Variants in CDH8 observed in about 807,000 individuals in gnomAD.
CDH8 encodes cadherin-8.
A neutral mutation model predicts 68.1 loss-of-function variants in CDH8; 17 were observed. The ratio of observed to expected loss-of-function variants is 0.25; its 90% CI spans 0.17 to 0.37. CDH8 has a LOEUF of 0.37. Among genes scored for constraint, CDH8 ranks in the 10% least tolerant of loss-of-function variants. The probability of loss-of-function intolerance (pLI) is 1.00; values close to 1 mark genes in which losing one functional copy is unlikely to be tolerated. For synonymous variants in CDH8, 372 were observed against 365.1 expected (o/e 1.02, Z -0.21); for missense variants, 763 against 999.3 (o/e 0.76, Z 3.19).
chr16:61,767,273 G>T (rs974259847), intron 8 of CDH8, among the ~76,000 whole-genome samples: 8 of 151,942 alleles, frequency 5.3e-5, no homozygotes, highest in African/African-American at 1.9e-4. Context: ...GAATCAATCT[G>T]ATGTATATCC....
intron 8 of CDH8, among the ~76,000 whole-genome samples, chr16:61,740,433 C>G (rs909232833): frequency 7.9e-5 from 12 of 151,902 alleles, no homozygotes; most frequent in African/African-American, 2.9e-4. Flanking sequence ...GAATGAAAAG[C>G]ATATAAATGT....
At chr16:61,841,227 A>T (rs1171775324) in intron 4 of CDH8, among the ~76,000 whole-genome samples, 1 of 152,222 alleles carries the variant, frequency 6.6e-6, no homozygotes, top group African/African-American at 2.4e-5. Flanking sequence ...TATACCCAGC[A>T]GTAGGATAGC....
At chr16:61,668,530 A>G (rs1963725481) in intron 10 of CDH8, among the ~76,000 whole-genome samples, 2 of 152,072 alleles carry the variant, frequency 1.3e-5, no homozygotes, top group South Asian at 4.1e-4. Flanking sequence ...AAACTATTCC[A>G]ATAAACAATT....
chr16:61,793,168 G>C (rs1961418147), intron 7 of CDH8, among the ~76,000 whole-genome samples: 1 of 151,784 alleles, frequency 6.6e-6, no homozygotes, highest in South Asian at 2.1e-4. Context: ...CCCAGAAGAG[G>C]GCCCTTACCA....
chr16:61,834,335 G>T (rs1382352425), intron 4 of CDH8, among the ~76,000 whole-genome samples: 3 of 151,708 alleles, frequency 2.0e-5, no homozygotes, highest in African/African-American at 7.3e-5. Flanking sequence ...AAGGCTCAAG[G>T]GCTACTTCAT....
chr16:61,698,404 T>C (rs1248354344), intron 10 of CDH8, among the ~76,000 whole-genome samples: 1 of 152,194 alleles, frequency 6.6e-6, no homozygotes, highest in Non-Finnish European at 1.5e-5. Flanking sequence ...ACTTTCATCA[T>C]GTTGCCTCCG....
At chr16:61,746,168 A>C (rs575567510) in intron 8 of CDH8, among the ~76,000 whole-genome samples, 71 of 152,176 alleles carry the variant, frequency 4.7e-4, no homozygotes, top group Non-Finnish European at 7.9e-4. Flanking sequence ...AGATGTGGCC[A>C]ATTCATCAAG....
chr16:61,695,604 G>C (rs1964309906), intron 10 of CDH8, among the ~76,000 whole-genome samples: 1 of 152,102 alleles, frequency 6.6e-6, no homozygotes, highest in South Asian at 2.1e-4. Context: ...CCCTTTCCTA[G>C]ATGTGACAAT....
At chr16:61,713,808 T>C in intron 10 of CDH8, 33 bp downstream of exon 10, 4 of 1,110,190 alleles carry the variant, frequency 3.6e-6, no homozygotes, top group Non-Finnish European at 5.5e-6. Flanking sequence ...CCAATTTATA[T>C]TGTACTCTGT....
At chr16:61,770,105 T>C (rs1032696241) in intron 8 of CDH8, among the ~76,000 whole-genome samples, 4 of 151,898 alleles carry the variant, frequency 2.6e-5, no homozygotes, top group Admixed American at 2.0e-4. Flanking sequence ...CCGGCTTTCC[T>C]GAGTCTCGCA....
chr16:61,751,897 T>A (rs1486300138), intron 8 of CDH8, among the ~76,000 whole-genome samples: 2 of 152,126 alleles, frequency 1.3e-5, no homozygotes, highest in African/African-American at 4.8e-5. Flanking sequence ...AGCCAAATAA[T>A]ATTGTTAATA....
At chr16:61,692,254 AT>A (rs1394021674) in intron 10 of CDH8, 3 of 152,060 alleles carry the variant, frequency 2.0e-5, no homozygotes, top group African/African-American at 7.2e-5. Flanking sequence ...CCCATCAGAG[AT>A]TTTTACCTCT....
chr16:62,023,278 G>T (rs1223872977), intron 1 of CDH8, among the ~76,000 whole-genome samples: 1 of 152,128 alleles, frequency 6.6e-6, no homozygotes, highest in Non-Finnish European at 1.5e-5. Context: ...CTAGACCCGA[G>T]CGAGAAGTTG....
At chr16:61,794,638 T>G in intron 7 of CDH8, among the ~76,000 whole-genome samples, 1 of 152,122 alleles carries the variant, frequency 6.6e-6, no homozygotes, top group South Asian at 2.1e-4. Context: ...GGCCTTAATG[T>G]TAGTGTCCTG....
intron 2 of CDH8, among the ~76,000 whole-genome samples, chr16:61,922,238 A>G (rs1055446069): frequency 6.6e-6 from 1 of 152,216 alleles, no homozygotes; most frequent in African/African-American, 2.4e-5. Flanking sequence ...TGCCGGATCA[A>G]TACTGTAGTG....
chr16:61,941,876 CTATT>C (rs1432014101), intron 2 of CDH8, among the ~76,000 whole-genome samples: 1 of 152,196 alleles, frequency 6.6e-6, no homozygotes, highest in African/African-American at 2.4e-5. Context: ...TCAATTTTCT[CTATT>C]TACACACTCT....
intron 4 of CDH8, among the ~76,000 whole-genome samples, chr16:61,854,868 G>C (rs1963012515): frequency 6.6e-6 from 1 of 151,874 alleles, no homozygotes; most frequent in East Asian, 1.9e-4. Context: ...TAGATTCTTA[G>C]GGACAACTAA....
At chr16:61,993,316 CTTTA>C (rs1274777980) in intron 2 of CDH8, among the ~76,000 whole-genome samples, 1 of 151,922 alleles carries the variant, frequency 6.6e-6, no homozygotes. Flanking sequence ...CTCCAGCACT[CTTTA>C]TTTATTTATT....
Position 61,739,915 on chromosome 16 carries a change from AT to A in CDH8, c.1415-12701del, listed in dbSNP as rs1555506715. Among the ~76,000 whole-genome samples, 284 of 109,558 alleles carry A rather than the reference AT, an allele frequency of 2.6e-3. 4 individuals are homozygous for A. Among genetic ancestry groups the A allele is most frequent in the South Asian group, 4.5e-3 (15 of 3,334 alleles). 71.9% of individuals were successfully genotyped at this position (109,558 alleles called of 152,430 possible). ...TATATATATATATATATATATATGTATTTTTTTTTTTGAGACAAAGTCTTGC... is the reference window on the plus strand; with the variant it reads ...TATATATATATATATATATATATGTATTTTTTTTTTGAGACAAAGTCTTGC... On this transcript the variant is annotated intron_variant, in intron 8 of 11. Transcript: ENST00000577390.
Sources: allele counts gnomAD v4.1 joint callset (sites outside exome capture counted in the v4.1 genomes callset), GRCh38; gene constraint gnomAD v4.1.1; transcripts MANE v1.5; gene names NCBI Gene and HGNC (gene_info 2026-07-23, HGNC 2026-07-21).